Variants in PHEX observed in about 807,000 individuals in gnomAD.
The protein encoded by PHEX is phosphate-regulating neutral endopeptidase PHEX.
Under a neutral mutation model 68.0 loss-of-function variants are expected in PHEX, and 16 were observed. The observed-to-expected ratio is 0.24, with a 90% CI of 0.16 to 0.36. The LOEUF (loss-of-function observed/expected upper bound fraction) is 0.36. PHEX is among the 10% of genes least tolerant of loss of function. The pLI, the probability that PHEX is intolerant of heterozygous loss-of-function variation, is 1.00. For synonymous variants in PHEX, 208 were observed against 205.1 expected (o/e 1.01, Z -0.12); for missense variants, 480 against 575.5 (o/e 0.83, Z 1.70).
At chrX:22,234,039 C>CTTCT (rs932591451) in intron 20 of PHEX, among the ~76,000 whole-genome samples, 2 of 112,360 alleles carry the variant, frequency 1.8e-5, no homozygotes, top group Admixed American at 1.9e-4. Flanking sequence ...GTTAGTTTTC[C>CTTCT]TTCTTACAAA....
intron 11 of PHEX, among the ~76,000 whole-genome samples, chrX:22,131,859 A>G (rs1326758760): frequency 2.7e-5 from 3 of 109,911 alleles, no homozygotes; most frequent in Admixed American, 9.7e-5. Context: ...GGAGAACTGG[A>G]TTTCGAGGGG....
intron 3 of PHEX, among the ~76,000 whole-genome samples, chrX:22,066,998 C>T (rs745421748): frequency 3.2e-4 from 36 of 110,772 alleles, no homozygotes; most frequent in Middle Eastern, 4.6e-3. Context: ...AATCCCAACA[C>T]GTTGGGAGGT....
At chrX:22,102,865 C>T (rs1332822636) in intron 9 of PHEX, among the ~76,000 whole-genome samples, 1 of 112,202 alleles carries the variant, frequency 8.9e-6, no homozygotes, top group African/African-American at 3.2e-5. Context: ...AAGAAAAAGC[C>T]AGCCAAGCCT....
At chrX:22,071,955 G>A (rs1195756998) in intron 3 of PHEX, among the ~76,000 whole-genome samples, 2 of 110,647 alleles carry the variant, frequency 1.8e-5, no homozygotes, top group African/African-American at 6.6e-5. Context: ...GGCTGGGCGC[G>A]GTGGCTCATG....
Position 22,248,771 on chromosome X carries a change from G to A in PHEX, c.*818G>A, listed in dbSNP as rs984114848. 2 of 112,015 alleles carry A rather than the reference G, an allele frequency of 1.8e-5. No individual in the cohort carries two copies. Among genetic ancestry groups the A allele is most frequent in the African/African-American group, 6.5e-5 (2 of 30,806 alleles). 9.2% of individuals were successfully genotyped at this position (112,015 alleles called of 1,213,427 possible). ...CTCCAAAATTTTGTCCAGTCTGTAT[G>A]AACTGCAGTGATTGTCTGTCTGCTA... On this transcript the variant is annotated 3_prime_UTR_variant, in exon 22 of 22. Coordinates refer to ENST00000379374, the MANE Select transcript of PHEX (RefSeq NM_000444.6).
Position 22,033,440 on chromosome X carries a change from T to C in PHEX, c.118+317T>C, listed in dbSNP as rs5951685. 0.17 allele frequency among the ~76,000 whole-genome samples: 18,885 copies of C among 111,331 alleles called. 1,716 individuals carry two copies. Among genetic ancestry groups the C allele is most frequent in the African/African-American group, 0.35 (10,649 of 30,475 alleles). ...GTACATTTAGCAAAATGAGTGTTTGTGAATTCATAGTCACATAGTTTCATT... is the reference window on the plus strand; with the variant it reads ...GTACATTTAGCAAAATGAGTGTTTGCGAATTCATAGTCACATAGTTTCATT... On this transcript the variant is annotated intron_variant, in intron 1 of 21. Transcript: ENST00000379374.
intron 16 of PHEX, among the ~76,000 whole-genome samples, chrX:22,216,771 C>T (rs1464941605): frequency 1.8e-5 from 2 of 110,931 alleles, no homozygotes; most frequent in East Asian, 2.8e-4. Flanking sequence ...CCACCCGCCT[C>T]GGCCTCCCAA....
intron 15 of PHEX, among the ~76,000 whole-genome samples, chrX:22,197,511 G>T (rs113055816): frequency 9.0e-6 from 1 of 110,869 alleles, no homozygotes; most frequent in African/African-American, 3.3e-5. Flanking sequence ...AAGGAACTGG[G>T]GCCCCCTGCT....
Position 22,188,205 on chromosome X carries a change from A to G in PHEX, c.1587-2239A>G, listed in dbSNP as rs997689916. ...TTTGTTAGTCTGACATAATTATCCT[A>G]TTAGACGTAAATGAGTAATACAATT... On this transcript the variant is annotated intron_variant, in intron 14 of 21. Coordinates refer to ENST00000379374, the MANE Select transcript of PHEX (RefSeq NM_000444.6). 3.6e-5 allele frequency among the ~76,000 whole-genome samples: 4 copies of G among 112,112 alleles called. No homozygotes were observed. In the Admixed American group the frequency reaches 3.8e-4, roughly 11 times the overall value.
chrX:22,132,874 GT>G (rs11300888), intron 11 of PHEX, among the ~76,000 whole-genome samples: 2,744 of 102,423 alleles, frequency 0.027, 72 homozygotes, highest in South Asian at 0.08. Context: ...GAAAGAAATG[GT>G]TTTTTTTTTT....
intron 12 of PHEX, among the ~76,000 whole-genome samples, chrX:22,142,211 C>T (rs770356013): frequency 6.3e-5 from 7 of 111,961 alleles, no homozygotes; most frequent in Non-Finnish European, 1.3e-4. Flanking sequence ...AAGATTACGC[C>T]GCTGCACTCC....
intron 3 of PHEX, among the ~76,000 whole-genome samples, chrX:22,056,353 TTCTC>T (rs1029258115): frequency 1.2e-4 from 13 of 111,494 alleles, no homozygotes; most frequent in South Asian, 1.1e-3. Context: ...TTTTTTTTCT[TTCTC>T]TCTCTACTCT....
Position 22,213,694 on chromosome X carries a change from C to T in PHEX, c.1700+736C>T, listed in dbSNP as rs183888856. 7.2e-3 allele frequency among the ~76,000 whole-genome samples: 802 copies of T among 111,850 alleles called. 2 individuals carry two copies. The highest frequency in any genetic ancestry group is 0.025 in the African/African-American group (755 of 30,790). On this transcript the variant is annotated intron_variant, in intron 16 of 21. Transcript: ENST00000379374. The stretch of plus-strand genomic sequence containing the variant: ...CACCATTTCTATTATATACTTTTTA[C>T]TTTTGTGTTTTAATGCTTGGAAAAT...
chrX:22,092,619 C>T (rs1007738574), intron 6 of PHEX, among the ~76,000 whole-genome samples: 1 of 110,758 alleles, frequency 9.0e-6, no homozygotes, highest in Admixed American at 9.6e-5. Flanking sequence ...GTGATCTGCC[C>T]ACCTCGGCCT....
At chrX:22,233,206 G>T (rs1422334222) in intron 20 of PHEX, among the ~76,000 whole-genome samples, 5 of 111,635 alleles carry the variant, frequency 4.5e-5, no homozygotes. Context: ...ATCCCTTTGT[G>T]GGTAACCCGA....
intron 15 of PHEX, among the ~76,000 whole-genome samples, chrX:22,209,191 T>C (rs1431851895): frequency 1.8e-5 from 2 of 111,215 alleles, no homozygotes; most frequent in Non-Finnish European, 3.8e-5. Flanking sequence ...CAGTTGGTCA[T>C]GTTGAGGTGT....
chrX:22,058,592 A>G (rs1426154814), intron 3 of PHEX, among the ~76,000 whole-genome samples: 4 of 112,136 alleles, frequency 3.6e-5, no homozygotes, highest in Non-Finnish European at 7.5e-5. Flanking sequence ...CGTATTCCCA[A>G]CTTGCATTGC....
At chrX:22,187,731 G>A (rs780369651) in intron 14 of PHEX, among the ~76,000 whole-genome samples, 1 of 111,742 alleles carries the variant, frequency 8.9e-6, no homozygotes. Flanking sequence ...GCAAGTTTAT[G>A]TTAAACACTA....
chrX:22,198,199 A>G (rs1934434719), intron 15 of PHEX, among the ~76,000 whole-genome samples: 1 of 104,484 alleles, frequency 9.6e-6, no homozygotes. Flanking sequence ...ATATATACTT[A>G]TATATATGTT....
Sources: gnomAD v4.1 joint callset for allele counts (sites outside exome capture counted in the v4.1 genomes callset) on GRCh38, gnomAD v4.1.1 for gene constraint, MANE v1.5 for transcripts, NCBI Gene and HGNC (gene_info 2026-07-23, HGNC 2026-07-21) for gene names.